The following PTPRO variants were observed in gnomAD, a reference collection of about 807,000 sequenced individuals.
PTPRO encodes protein tyrosine phosphatase receptor type O, also known as receptor-type tyrosine-protein phosphatase O.
In PTPRO, 62 loss-of-function variants were observed where a neutral mutation model predicts 145.2. The observed-to-expected ratio is 0.43, with a 90% CI of 0.35 to 0.53. The LOEUF (loss-of-function observed/expected upper bound fraction) is 0.53, where lower values mean the gene tolerates loss of function less well. PTPRO is among the 20% of genes least tolerant of loss of function. PTPRO has a pLI of 0.01. For synonymous variants in PTPRO, 565 were observed against 514.7 expected (o/e 1.10, Z -1.32); for missense variants, 1,345 against 1,482.7 (o/e 0.91, Z 1.53).
intron 1 of PTPRO, among the ~76,000 whole-genome samples, chr12:15,414,855 T>A (rs1240563235): frequency 6.6e-6 from 1 of 152,068 alleles, no homozygotes; most frequent in Non-Finnish European, 1.5e-5. Flanking sequence ...CCTAATAGAG[T>A]CTCTTAGAAA....
rs975265981 is a variant in PTPRO at position 15,469,770 on chromosome 12, A to C, written c.76-14204A>C. ...GAATCATGGCGTTAGTGTCCTGACA[A>C]AAAAAAAAAAAAAAAAATACAGCTT... On this transcript the variant is annotated intron_variant, in intron 1 of 26. Coordinates refer to ENST00000281171, the MANE Select transcript of PTPRO (RefSeq NM_030667.3). 2.0e-3 allele frequency among the ~76,000 whole-genome samples: 287 copies of C among 140,144 alleles called. 1 individual carries two copies. Among genetic ancestry groups the C allele is most frequent in the Middle Eastern group, 0.014 (4 of 286 alleles). 91.9% of individuals were successfully genotyped at this position (140,144 alleles called of 152,430 possible).
At chr12:15,499,675 A>T in intron 4 of PTPRO, 81 bp downstream of exon 4, 2 of 1,458,242 alleles carry the variant, frequency 1.4e-6, no homozygotes, top group Middle Eastern at 3.5e-4. Context: ...ATCCTAAGAA[A>T]TATTCTGATC....
At chr12:15,525,961 T>G (rs758116119) in intron 11 of PTPRO, among the ~76,000 whole-genome samples, 181 bp from the exon 12 acceptor site, 5 of 152,194 alleles carry the variant, frequency 3.3e-5, no homozygotes, top group Non-Finnish European at 5.9e-5. Flanking sequence ...TACCTCACAT[T>G]GGGCCCAGCT....
At chr12:15,513,157 A>AAAAGAAAGAAAGAAAGAAAG (rs1162807747) in intron 7 of PTPRO, among the ~76,000 whole-genome samples, 1 of 30,828 alleles carries the variant, frequency 3.2e-5, no homozygotes, top group Non-Finnish European at 6.2e-5. Flanking sequence ...GAAAGAAAGA[A>AAAAGAAAGAAAGAAAGAAAG]AAAGAAAGAA....
At chr12:15,570,475 T>A (rs1254779049) in intron 19 of PTPRO, among the ~76,000 whole-genome samples, 1 of 152,158 alleles carries the variant, frequency 6.6e-6, no homozygotes, top group East Asian at 1.9e-4. Context: ...GAGACACTAA[T>A]GGGGAATTTG....
chr12:15,352,261 A>G (rs780113609), intron 1 of PTPRO, among the ~76,000 whole-genome samples: 2 of 152,200 alleles, frequency 1.3e-5, no homozygotes, highest in Non-Finnish European at 2.9e-5. Context: ...TTTTAGAGAA[A>G]GTCAGGAACT....
intron 2 of PTPRO, among the ~76,000 whole-genome samples, chr12:15,485,913 T>C (rs253852): frequency 0.02 from 3,031 of 152,244 alleles, 114 homozygotes; most frequent in East Asian, 0.14. Context: ...TGAGGAAGTG[T>C]TGTTGTGATC....
At chr12:15,348,271 T>C (rs932339969) in intron 1 of PTPRO, 1 of 151,958 alleles carries the variant, frequency 6.6e-6, no homozygotes, top group African/African-American at 2.4e-5. Flanking sequence ...ACCCTACCAT[T>C]GCTGGCTTGG....
chr12:15,425,125 G>T (rs1291079270), intron 1 of PTPRO, among the ~76,000 whole-genome samples: 5 of 152,076 alleles, frequency 3.3e-5, no homozygotes, highest in African/African-American at 1.2e-4. Context: ...ACAAACATGA[G>T]TAGTCATCCT....
At chr12:15,393,923 G>T (rs955749656) in intron 1 of PTPRO, among the ~76,000 whole-genome samples, 1 of 152,146 alleles carries the variant, frequency 6.6e-6, no homozygotes, top group African/African-American at 2.4e-5. Flanking sequence ...GAGCCCAGAG[G>T]CTATGCAGGG....
At chr12:15,512,623 G>C (rs1942465664) in intron 7 of PTPRO, among the ~76,000 whole-genome samples, 1 of 152,178 alleles carries the variant, frequency 6.6e-6, no homozygotes, top group East Asian at 1.9e-4. Context: ...CATATAAAGT[G>C]TATTTTAAAT....
chr12:15,485,427 A>G (rs1565657803), intron 2 of PTPRO, among the ~76,000 whole-genome samples: 1 of 152,176 alleles, frequency 6.6e-6, no homozygotes, highest in Non-Finnish European at 1.5e-5. Context: ...ATATAGGCAC[A>G]TAACGCCTAC....
intron 2 of PTPRO, among the ~76,000 whole-genome samples, chr12:15,489,159 G>T (rs1363635409): frequency 2.0e-5 from 3 of 152,122 alleles, no homozygotes; most frequent in African/African-American, 7.2e-5. Flanking sequence ...AATCAAAGAT[G>T]TTATACTATA....
intron 1 of PTPRO, 118 bp from the exon 2 acceptor site, chr12:15,483,856 C>G: frequency 9.0e-7 from 1 of 1,106,128 alleles, no homozygotes; most frequent in Non-Finnish European, 1.3e-6. Context: ...TAAGGCTTAC[C>G]ATAAACATAA....
At chr12:15,451,993 A>G (rs1287277402) in intron 1 of PTPRO, among the ~76,000 whole-genome samples, 1 of 152,150 alleles carries the variant, frequency 6.6e-6, no homozygotes, top group East Asian at 1.9e-4. Flanking sequence ...AATAACTAAG[A>G]TAAGAGTAGA....
chr12:15,457,459 A>G (rs1299047347), intron 1 of PTPRO, among the ~76,000 whole-genome samples: 1 of 152,214 alleles, frequency 6.6e-6, no homozygotes. Context: ...CTAAGTCTTC[A>G]TGGAGAGTTT....
intron 1 of PTPRO, among the ~76,000 whole-genome samples, chr12:15,436,587 G>A (rs1940601279): frequency 6.6e-6 from 1 of 152,176 alleles, no homozygotes; most frequent in Non-Finnish European, 1.5e-5. Context: ...AATCCCTGGA[G>A]TTAGCTTAGG....
At chr12:15,323,955 G>A (rs1458796530) in intron 1 of PTPRO, among the ~76,000 whole-genome samples, 1 of 151,928 alleles carries the variant, frequency 6.6e-6, no homozygotes. Context: ...AAAATTCAGG[G>A]AGAAACAGCA....
chr12:15,580,148 G>C (rs1394514819), intron 21 of PTPRO, 33 bp downstream of exon 21: 2 of 1,533,098 alleles, frequency 1.3e-6, no homozygotes, highest in African/African-American at 2.7e-5. Context: ...GCATCCCAAA[G>C]CTAACCAGCC....
Sources: allele counts gnomAD v4.1 joint callset (sites outside exome capture counted in the v4.1 genomes callset), GRCh38; gene constraint gnomAD v4.1.1; transcripts MANE v1.5; gene names NCBI Gene and HGNC (gene_info 2026-07-23, HGNC 2026-07-21).